The following LRGUK variants were observed in gnomAD, a reference collection of about 807,000 sequenced individuals.
The protein encoded by LRGUK is leucine rich repeats and guanylate kinase domain containing.
LRGUK carries 65 observed loss-of-function variants against 76.0 expected under a neutral mutation model. That is an observed-to-expected ratio of 0.85 (90% confidence interval 0.70 to 1.05). The LOEUF (loss-of-function observed/expected upper bound fraction) is 1.05, where lower values mean the gene tolerates loss of function less well. Among genes scored for constraint, LRGUK ranks in the 50% least tolerant of loss-of-function variants. LRGUK has a pLI of 0.00. For synonymous variants in LRGUK, 268 were observed against 265.6 expected (o/e 1.01, Z -0.09); for missense variants, 758 against 732.8 (o/e 1.03, Z -0.40).
intron 19 of LRGUK, among the ~76,000 whole-genome samples, chr7:134,261,827 A>G (rs1349226632): frequency 1.3e-5 from 2 of 152,190 alleles, no homozygotes; most frequent in Non-Finnish European, 2.9e-5. Flanking sequence ...AGCTATAAAC[A>G]ATGTGCAAAT....
the LRGUK span, among the ~76,000 whole-genome samples, chr7:134,275,361 G>T: frequency 1.1e-4 from 17 of 152,206 alleles, no homozygotes; most frequent in Middle Eastern, 3.4e-3. Context: ...TGATCTAAAA[G>T]CCAGAAGAGA....
chr7:134,235,418 A>G (rs187214899), intron 16 of LRGUK, among the ~76,000 whole-genome samples: 1 of 152,242 alleles, frequency 6.6e-6, no homozygotes, highest in South Asian at 2.1e-4. Flanking sequence ...TCCTCCTTCA[A>G]CTATTAACTC....
intron 14 of LRGUK, among the ~76,000 whole-genome samples, chr7:134,199,982 TTATATATATATATATATA>T (rs71172442): frequency 0.029 from 1,132 of 38,420 alleles, 90 homozygotes; most frequent in East Asian, 0.28. Context: ...CTAGAAACTT[TTATATATATATATATATA>T]TATATATATA....
In LRGUK at chr7:134,250,078, G is replaced by A. The variant is rs115625210; in HGVS notation, c.2198+1002G>A. The stretch of plus-strand genomic sequence containing the variant: ...GGAAAACTCTTCAGAAGGGGGCTGT[G>A]GGTATGGCAGTCTCTGTGGAGCATC... On this transcript the variant is annotated intron_variant, in intron 18 of 19. Transcript: ENST00000285928. 5.6e-3 allele frequency among the ~76,000 whole-genome samples: 849 copies of A among 152,194 alleles called. 11 individuals carry two copies. The highest frequency in any genetic ancestry group is 0.019 in the African/African-American group (802 of 41,520).
chr7:134,239,947 G>A (rs1470170897), intron 16 of LRGUK, among the ~76,000 whole-genome samples: 2 of 152,324 alleles, frequency 1.3e-5, no homozygotes, highest in African/African-American at 4.8e-5. Context: ...ACGGTCTGGA[G>A]TGGACCTCCA....
intron 12 of LRGUK, among the ~76,000 whole-genome samples, chr7:134,193,740 T>C (rs1021451086): frequency 6.6e-6 from 1 of 152,092 alleles, no homozygotes; most frequent in African/African-American, 2.4e-5. Flanking sequence ...ATTGTCAGCT[T>C]TGCCAATCAC....
exon 20 of LRGUK, chr7:134,264,073 A>G: frequency 5.0e-6 from 6 of 1,192,838 alleles, no homozygotes; most frequent in African/African-American, 1.6e-5. Context: ...TTCTCACTCA[A>G]CCCATTACCC....
At chr7:134,167,600 G>A (rs1178262758) in intron 7 of LRGUK, among the ~76,000 whole-genome samples, 1 of 152,162 alleles carries the variant, frequency 6.6e-6, no homozygotes, top group Non-Finnish European at 1.5e-5. Flanking sequence ...ATGTGACTGA[G>A]GATAGAGACC....
chr7:134,141,968 A>G (rs576502014), intron 3 of LRGUK, among the ~76,000 whole-genome samples: 2 of 152,270 alleles, frequency 1.3e-5, no homozygotes, highest in African/African-American at 4.8e-5. Flanking sequence ...TTCAGTGACT[A>G]TTGAGAAGGG....
chr7:134,251,774 A>T (rs760158914), intron 18 of LRGUK, among the ~76,000 whole-genome samples: 1 of 152,208 alleles, frequency 6.6e-6, no homozygotes, highest in African/African-American at 2.4e-5. Context: ...CCCATAAAAC[A>T]TAAATGCATC....
intron 16 of LRGUK, among the ~76,000 whole-genome samples, chr7:134,233,138 G>A (rs905474845): frequency 2.6e-5 from 4 of 152,090 alleles, no homozygotes; most frequent in Admixed American, 6.5e-5. Context: ...GTTCTTTTGC[G>A]TTACTTGCCA....
intron 19 of LRGUK, 67 bp downstream of exon 19, chr7:134,258,472 T>G: frequency 6.9e-7 from 1 of 1,449,100 alleles, no homozygotes; most frequent in Non-Finnish European, 9.4e-7. Context: ...CCGAGGCGAA[T>G]GGATCTCCTG....
intron 10 of LRGUK, among the ~76,000 whole-genome samples, chr7:134,180,815 G>A (rs948017942): frequency 2.0e-5 from 3 of 152,078 alleles, no homozygotes; most frequent in African/African-American, 7.2e-5. Flanking sequence ...ATAATGTTAT[G>A]TAACCATCAC....
chr7:134,155,898 G>C (rs1798435211), intron 5 of LRGUK, among the ~76,000 whole-genome samples: 1 of 152,112 alleles, frequency 6.6e-6, no homozygotes. Context: ...AAAATTGTTT[G>C]TTTCTCTGAT....
In LRGUK at chr7:134,226,789, T is replaced by C. The variant is rs192871989; in HGVS notation, c.1983+4871T>C. On this transcript the variant is annotated intron_variant, in intron 16 of 19. Coordinates refer to the LRGUK transcript ENST00000285928. ...GTCAGATGCACATGAAACTTCTTTG[T>C]AAATGATTGACTACAGAACAAATGT... Among the ~76,000 whole-genome samples the C allele has an allele frequency of 3.7e-4, 56 of 152,330 alleles. 1 individual carries two copies. The East Asian group carries it at 0.01, about 27-fold the overall frequency.
chr7:134,225,259 AG>A (rs540705744), intron 16 of LRGUK, among the ~76,000 whole-genome samples: 1 of 152,064 alleles, frequency 6.6e-6, no homozygotes, highest in Non-Finnish European at 1.5e-5. Flanking sequence ...TGAGAGTGGA[AG>A]GGGCCACCCT....
At chr7:134,222,287 G>A (rs1213636156) in intron 16 of LRGUK, among the ~76,000 whole-genome samples, 1 of 152,226 alleles carries the variant, frequency 6.6e-6, no homozygotes, top group African/African-American at 2.4e-5. Context: ...GGCTGAGCCT[G>A]AAAAGTGAGT....
intron 7 of LRGUK, among the ~76,000 whole-genome samples, chr7:134,163,952 TG>T (rs1279940387): frequency 1.3e-5 from 2 of 152,088 alleles, no homozygotes; most frequent in African/African-American, 4.8e-5. Context: ...AGGGCCATGA[TG>T]GGGGGAGTGT....
At position 134,247,644 on chromosome 7, in the gene LRGUK, G is replaced by A. The variant is rs538065484; in HGVS notation, c.2072G>A (p.Arg691Lys). Residue 691 changes from arginine (R) to lysine (K), a missense_variant and splice_region_variant, in exon 17 of 20, where the codon AGG (arginine) becomes AAG (lysine). Coordinates refer to the LRGUK transcript ENST00000285928. ...CCTGATCACACACTCCTATTTCAAA[G>A]GTAGCAATTTATCACATGAGCAACT... 34 of 1,610,098 alleles carry A rather than the reference G, an allele frequency of 2.1e-5. No homozygotes were observed. The South Asian group carries it at 3.2e-4, about 15-fold the overall frequency.
Sources: gnomAD v4.1 joint callset for allele counts (sites outside exome capture counted in the v4.1 genomes callset) on GRCh38, gnomAD v4.1.1 for gene constraint, MANE v1.5 for transcripts, NCBI Gene and HGNC (gene_info 2026-07-23, HGNC 2026-07-21) for gene names.